PDS5B: variants seen among roughly 807,000 people sequenced by gnomAD.
The protein encoded by PDS5B is sister chromatid cohesion protein PDS5 homolog B.
In PDS5B, 51 loss-of-function variants were observed where a neutral mutation model predicts 184.1. The observed-to-expected ratio is 0.28, with a 90% confidence interval of 0.22 to 0.35. The LOEUF is 0.35. PDS5B is among the 10% of genes least tolerant of loss of function. The pLI is 1.00. For missense variants in PDS5B, 1,180 were observed against 1,723.3 expected (o/e 0.68, Z 5.58); for synonymous variants, 566 against 569.2 (o/e 0.99, Z 0.08).
chr13:32,725,297 G>A (rs1952859535), intron 19 of PDS5B, among the ~76,000 whole-genome samples: 1 of 152,150 alleles, frequency 6.6e-6, no homozygotes, highest in African/African-American at 2.4e-5. Flanking sequence ...GCATATTTGT[G>A]TTTCAGTCAG....
intron 2 of PDS5B, chr13:32,649,883 T>C (rs1950325765): frequency 6.6e-6 from 1 of 152,174 alleles, no homozygotes; most frequent in Admixed American, 6.5e-5. Context: ...TTATTAAGAA[T>C]AGTCAAGCTA....
rs557259447 is a variant in PDS5B at position 32,755,576 on chromosome 13, A to G, written c.2942-266A>G. 3.3e-4 allele frequency among the ~76,000 whole-genome samples: 51 copies of G among 152,260 alleles called. No individual in the cohort carries two copies. The South Asian group carries it at 0.01, about 30-fold the overall frequency. Reference sequence around the variant, plus strand: ...TTAAAACTGAAATATTTGTTTTTGTAGCCTCAGCCCATGGTGTATTTAGTA... The same window carrying G: ...TTAAAACTGAAATATTTGTTTTTGTGGCCTCAGCCCATGGTGTATTTAGTA... On this transcript the variant is annotated intron_variant, in intron 25 of 34. Coordinates refer to ENST00000315596, the MANE Select transcript of PDS5B (RefSeq NM_015032.4).
At chr13:32,631,105 T>C (rs1175369876) in intron 1 of PDS5B, among the ~76,000 whole-genome samples, 1 of 141,204 alleles carries the variant, frequency 7.1e-6, no homozygotes, top group Non-Finnish European at 1.5e-5. Flanking sequence ...CTCTATTGAT[T>C]CTTTTTTTCT....
chr13:32,739,298 T>C (rs116546793), intron 21 of PDS5B, among the ~76,000 whole-genome samples: 11 of 152,280 alleles, frequency 7.2e-5, no homozygotes, highest in African/African-American at 2.6e-4. Context: ...TCATGTCTCC[T>C]ATAGAGCCTC....
At chr13:32,676,932 C>CAAAAAAAAAAAAAAAAAAAA (rs4057303) in intron 9 of PDS5B, among the ~76,000 whole-genome samples, 2 of 78,796 alleles carry the variant, frequency 2.5e-5, no homozygotes, top group African/African-American at 1.0e-4. Context: ...CTCTTGTCTC[C>CAAAAAAAAAAAAAAAAAAAA]AAAAAAAAAA....
chr13:32,624,567 A>G (rs1244506773), intron 1 of PDS5B, among the ~76,000 whole-genome samples: 3 of 152,234 alleles, frequency 2.0e-5, no homozygotes, highest in Admixed American at 2.0e-4. Context: ...TATTTTGGCA[A>G]TGAGGTTATA....
intron 34 of PDS5B, 80 bp downstream of exon 34, chr13:32,773,404 T>G (rs1341651803): frequency 4.1e-6 from 5 of 1,209,754 alleles, no homozygotes; most frequent in Non-Finnish European, 4.7e-6. Flanking sequence ...TTAGTACTTG[T>G]TTAGTATTTA....
chr13:32,614,186 C>G (rs1423904077), intron 1 of PDS5B, among the ~76,000 whole-genome samples: 1 of 151,970 alleles, frequency 6.6e-6, no homozygotes, highest in Non-Finnish European at 1.5e-5. Context: ...TCAATTTTTT[C>G]TCAAGTTTCA....
chr13:32,744,941 C>T (rs2140980413), intron 23 of PDS5B, among the ~76,000 whole-genome samples: 1 of 152,222 alleles, frequency 6.6e-6, no homozygotes, highest in Non-Finnish European at 1.5e-5. Context: ...CAATCTTTTA[C>T]TATAGAGCTA....
chr13:32,663,594 A>G (rs1950708427), intron 6 of PDS5B, among the ~76,000 whole-genome samples: 3 of 152,236 alleles, frequency 2.0e-5, no homozygotes, highest in Admixed American at 6.5e-5. Flanking sequence ...GGAGATATGT[A>G]TGATACAGTA....
intron 21 of PDS5B, among the ~76,000 whole-genome samples, chr13:32,736,934 T>C (rs1953351669): frequency 6.6e-6 from 1 of 152,188 alleles, no homozygotes; most frequent in African/African-American, 2.4e-5. Flanking sequence ...TATATACACA[T>C]ACTTCAATTC....
At chr13:32,721,958 G>A (rs1474189715) in intron 19 of PDS5B, among the ~76,000 whole-genome samples, 3 of 152,092 alleles carry the variant, frequency 2.0e-5, no homozygotes, top group Middle Eastern at 3.2e-3. Flanking sequence ...ACGGGGTGGC[G>A]GCCGGGCAGA....
At chr13:32,700,591 G>A (rs1951837081) in intron 16 of PDS5B, among the ~76,000 whole-genome samples, 1 of 151,978 alleles carries the variant, frequency 6.6e-6, no homozygotes. Context: ...TTATAGAATG[G>A]TATTTATCTT....
At chr13:32,657,156 A>G (rs1265100708) in intron 3 of PDS5B, among the ~76,000 whole-genome samples, 1 of 152,144 alleles carries the variant, frequency 6.6e-6, no homozygotes, top group Non-Finnish European at 1.5e-5. Context: ...CAATAATCTA[A>G]TTCTGTCAGT....
chr13:32,695,757 T>C (rs1375570934), intron 14 of PDS5B, among the ~76,000 whole-genome samples: 2 of 152,058 alleles, frequency 1.3e-5, no homozygotes, highest in Non-Finnish European at 2.9e-5. Context: ...AGCTTCTTCA[T>C]TTTGCCTGTT....
intron 1 of PDS5B, among the ~76,000 whole-genome samples, chr13:32,596,679 G>T (rs2057876979): frequency 6.6e-6 from 1 of 151,794 alleles, no homozygotes; most frequent in Non-Finnish European, 1.5e-5. Context: ...TTTAATTTTA[G>T]CTATTCTAGT....
chr13:32,655,574 C>T (rs577927114), intron 3 of PDS5B, among the ~76,000 whole-genome samples: 2 of 151,052 alleles, frequency 1.3e-5, no homozygotes, highest in South Asian at 4.2e-4. Flanking sequence ...GGTTTTACCA[C>T]GTTGACTGGG....
intron 1 of PDS5B, among the ~76,000 whole-genome samples, chr13:32,588,147 C>T (rs1442072506): frequency 6.6e-6 from 1 of 152,110 alleles, no homozygotes; most frequent in Non-Finnish European, 1.5e-5. Flanking sequence ...CTGAGATGTT[C>T]GCATCTTTAG....
rs138735210 is a variant in PDS5B at position 32,723,268 on chromosome 13, A to G, written c.2124-8833A>G. 3.5e-4 allele frequency among the ~76,000 whole-genome samples: 53 copies of G among 152,346 alleles called. 1 individual carries two copies. In the East Asian group the frequency reaches 9.1e-3, roughly 26 times the overall value. On this transcript the variant is annotated intron_variant, in intron 19 of 34. Coordinates refer to ENST00000315596, the MANE Select transcript of PDS5B (RefSeq NM_015032.4). ...TACTTATTAATGTCTGTATAATAATATGTCTAGAGAAATTTTAGGAGTGTT... is the reference window on the plus strand; with the variant it reads ...TACTTATTAATGTCTGTATAATAATGTGTCTAGAGAAATTTTAGGAGTGTT...
Sources: allele counts gnomAD v4.1 joint callset (sites outside exome capture counted in the v4.1 genomes callset), GRCh38; gene constraint gnomAD v4.1.1; transcripts MANE v1.5; gene names NCBI Gene and HGNC (gene_info 2026-07-23, HGNC 2026-07-21).